The following ASTN2 variants were observed in gnomAD, a reference collection of about 807,000 sequenced individuals.
ASTN2 encodes astrotactin-2.
A neutral mutation model predicts 139.8 loss-of-function variants in ASTN2; 54 were observed. That is an observed-to-expected ratio of 0.39 (90% CI 0.31 to 0.48). ASTN2 has a LOEUF of 0.48. ASTN2 is among the 20% of genes least tolerant of loss of function. The pLI is 0.95. For missense variants in ASTN2, 1,565 were observed against 1,725.1 expected (o/e 0.91, Z 1.64); for synonymous variants, 756 against 719.5 (o/e 1.05, Z -0.81).
At chr9:116,512,597 T>G (rs890059084) in intron 19 of ASTN2, among the ~76,000 whole-genome samples, 1 of 152,150 alleles carries the variant, frequency 6.6e-6, no homozygotes, top group East Asian at 1.9e-4. Context: ...ATGTTGACAG[T>G]GGGGTGTTAA....
intron 7 of ASTN2, among the ~76,000 whole-genome samples, chr9:117,006,857 G>T (rs1337211398): frequency 6.6e-6 from 1 of 152,064 alleles, no homozygotes. Flanking sequence ...TGGCTCACAC[G>T]TGTAATCCCA....
chr9:116,742,508 TG>T (rs1162114631), intron 13 of ASTN2, among the ~76,000 whole-genome samples: 1 of 152,128 alleles, frequency 6.6e-6, no homozygotes, highest in Non-Finnish European at 1.5e-5. Flanking sequence ...ACAAGGGTAG[TG>T]TCAATAAATG....
intron 3 of ASTN2, among the ~76,000 whole-genome samples, chr9:117,159,653 G>T (rs1830505384): frequency 6.6e-6 from 1 of 152,024 alleles, no homozygotes; most frequent in Non-Finnish European, 1.5e-5. Context: ...TGATATAGAT[G>T]ATCTGATTTC....
intron 10 of ASTN2, among the ~76,000 whole-genome samples, chr9:116,952,706 C>T (rs1284468170): frequency 6.6e-6 from 1 of 152,160 alleles, no homozygotes; most frequent in Non-Finnish European, 1.5e-5. Flanking sequence ...ATTCATCATC[C>T]ACACCTGCTG....
rs1212627902 is a variant in ASTN2, at chr9:116,424,042, A to G, written c.*1809T>C. Among the ~76,000 whole-genome samples the G allele has an allele frequency of 1.3e-5, 2 of 152,198 alleles. No individual in the cohort carries two copies. Among genetic ancestry groups the G allele is most frequent in the Admixed American group, 1.3e-4 (2 of 15,278 alleles). On this transcript the variant is annotated 3_prime_UTR_variant, in exon 23 of 23. Transcript: ENST00000313400. ...ACAGGTGTCATCTTTGCATTATGATATACCTGACCTACATCCCATCTGCTC... is the reference window on the plus strand; with the variant it reads ...ACAGGTGTCATCTTTGCATTATGATGTACCTGACCTACATCCCATCTGCTC...
intron 6 of ASTN2, among the ~76,000 whole-genome samples, chr9:117,014,825 G>A (rs570184190): frequency 7.7e-4 from 117 of 152,160 alleles, no homozygotes; most frequent in African/African-American, 2.8e-3. Flanking sequence ...ACAGGGAGAG[G>A]ACAGCCATCT....
At chr9:117,154,331 A>G (rs939200281) in intron 3 of ASTN2, among the ~76,000 whole-genome samples, 2 of 151,976 alleles carry the variant, frequency 1.3e-5, no homozygotes, top group Non-Finnish European at 2.9e-5. Flanking sequence ...GGCTGGCTTC[A>G]TTATTCATGA....
At chr9:116,689,392 TAGTA>T (rs1860449599) in intron 16 of ASTN2, among the ~76,000 whole-genome samples, 1 of 152,220 alleles carries the variant, frequency 6.6e-6, no homozygotes, top group South Asian at 2.1e-4. Context: ...ATCTGGCACA[TAGTA>T]AGTTCTCAAA....
intron 4 of ASTN2, among the ~76,000 whole-genome samples, chr9:117,122,628 G>T (rs1344426783): frequency 2.0e-5 from 3 of 152,116 alleles, no homozygotes; most frequent in African/African-American, 7.2e-5. Context: ...TGCATGATTC[G>T]ATTTACTGGC....
At chr9:117,189,034 C>T (rs556726323) in intron 3 of ASTN2, among the ~76,000 whole-genome samples, 1 of 152,114 alleles carries the variant, frequency 6.6e-6, no homozygotes, top group Non-Finnish European at 1.5e-5. Flanking sequence ...CCACCTGGGA[C>T]AGTGGGTAGA....
At chr9:116,997,535 C>T (rs1837060621) in intron 7 of ASTN2, among the ~76,000 whole-genome samples, 1 of 152,080 alleles carries the variant, frequency 6.6e-6, no homozygotes, top group Non-Finnish European at 1.5e-5. Flanking sequence ...ATGCCTGCCT[C>T]TGAGAATTCT....
At chr9:116,431,866 T>C (rs1474666053) in intron 22 of ASTN2, among the ~76,000 whole-genome samples, 5 of 152,114 alleles carry the variant, frequency 3.3e-5, no homozygotes, top group African/African-American at 4.8e-5. Flanking sequence ...CAAAACATTA[T>C]GACACAGTCA....
chr9:116,615,331 T>C (rs1466317206), intron 19 of ASTN2, among the ~76,000 whole-genome samples: 1 of 152,150 alleles, frequency 6.6e-6, no homozygotes, highest in Admixed American at 6.6e-5. Context: ...TCCTCAAGGA[T>C]CTAGAACTAG....
intron 10 of ASTN2, among the ~76,000 whole-genome samples, chr9:116,971,485 A>G (rs1376283396): frequency 6.6e-6 from 1 of 152,174 alleles, no homozygotes; most frequent in Admixed American, 6.5e-5. Flanking sequence ...AGGGCACTCT[A>G]TGTTTACCAC....
intron 1 of ASTN2, among the ~76,000 whole-genome samples, chr9:117,309,682 CAA>C (rs535249696): frequency 1.3e-5 from 2 of 152,086 alleles, no homozygotes; most frequent in African/African-American, 4.8e-5. Context: ...GATTTGGCTA[CAA>C]AAAAGTGGGG....
intron 2 of ASTN2, among the ~76,000 whole-genome samples, chr9:117,250,111 TGA>T (rs1833496925): frequency 6.6e-6 from 1 of 152,226 alleles, no homozygotes; most frequent in South Asian, 2.1e-4. Context: ...AGGCTTCTTA[TGA>T]ATTTCATTTC....
chr9:116,430,143 G>C (rs12683171), intron 22 of ASTN2, among the ~76,000 whole-genome samples: 5,680 of 152,256 alleles, frequency 0.037, 130 homozygotes, highest in East Asian at 0.073. Flanking sequence ...AGAAGTAAGC[G>C]ATAAATATAA....
At chr9:116,669,779 C>G (rs1234484945) in intron 16 of ASTN2, among the ~76,000 whole-genome samples, 1 of 151,530 alleles carries the variant, frequency 6.6e-6, no homozygotes, top group Non-Finnish European at 1.5e-5. Context: ...TTAATGAAAT[C>G]CAGCTTATCA....
intron 7 of ASTN2, among the ~76,000 whole-genome samples, chr9:117,003,650 A>C (rs1837260820): frequency 6.6e-6 from 1 of 150,892 alleles, no homozygotes; most frequent in African/African-American, 2.4e-5. Flanking sequence ...TATGCCCTCA[A>C]GCCTGTGTCT....
Sources: gnomAD v4.1 joint callset for allele counts (sites outside exome capture counted in the v4.1 genomes callset) on GRCh38, gnomAD v4.1.1 for gene constraint, MANE v1.5 for transcripts, NCBI Gene and HGNC (gene_info 2026-07-23, HGNC 2026-07-21) for gene names.